The following MTRFR variants were observed in gnomAD, a reference collection of about 807,000 sequenced individuals.
The protein encoded by MTRFR is mitochondrial translation release factor in rescue.
MTRFR carries 10 observed loss-of-function variants against 11.9 expected under a neutral mutation model. That is an observed-to-expected ratio of 0.84 (90% CI 0.52 to 1.42). The LOEUF is 1.42. MTRFR is among the 40% of genes most tolerant of loss of function. The pLI, the probability that MTRFR is intolerant of heterozygous loss-of-function variation, is 0.00. For missense variants in MTRFR, 196 were observed against 197.9 expected (o/e 0.99, Z 0.06); for synonymous variants, 77 against 79.1 (o/e 0.97, Z 0.14).
At chr12:123,239,164 G>A (rs1005361583) in intron 1 of MTRFR, among the ~76,000 whole-genome samples, 1 of 152,110 alleles carries the variant, frequency 6.6e-6, no homozygotes, top group Non-Finnish European at 1.5e-5. Context: ...AACTACTCAG[G>A]AGGCTGCGGT....
intron 2 of MTRFR, among the ~76,000 whole-genome samples, chr12:123,256,013 C>T (rs1214261752): frequency 1.3e-5 from 2 of 152,126 alleles, no homozygotes; most frequent in African/African-American, 4.8e-5. Context: ...GTGATCCTCC[C>T]GTTTCAGCCC....
intron 1 of MTRFR, chr12:123,249,080 G>A (rs1019568521): frequency 6.6e-6 from 1 of 151,860 alleles, no homozygotes; most frequent in Non-Finnish European, 1.5e-5. Flanking sequence ...CACTAGATTA[G>A]CTAGACATAG....
At chr12:123,234,379 T>C (rs569480048) in intron 1 of MTRFR, among the ~76,000 whole-genome samples, 2 of 150,304 alleles carry the variant, frequency 1.3e-5, no homozygotes, top group East Asian at 4.0e-4. Flanking sequence ...AATTTTTTTT[T>C]ACTTTTTTTA....
chr12:123,247,284 A>C (rs1232503420), intron 1 of MTRFR, among the ~76,000 whole-genome samples: 1 of 152,068 alleles, frequency 6.6e-6, no homozygotes, highest in Non-Finnish European at 1.5e-5. Context: ...GCTGCTGTCT[A>C]TCTCATTTCT....
intron 1 of MTRFR, among the ~76,000 whole-genome samples, chr12:123,241,776 C>A (rs2047942339): frequency 6.6e-6 from 1 of 152,214 alleles, no homozygotes; most frequent in Non-Finnish European, 1.5e-5. Flanking sequence ...CGGCCACAGG[C>A]CTTGTTGCAG....
chr12:123,244,386 C>T (rs1194825976), intron 1 of MTRFR, among the ~76,000 whole-genome samples: 1 of 152,080 alleles, frequency 6.6e-6, no homozygotes, highest in Non-Finnish European at 1.5e-5. Context: ...GAGCCAAGAT[C>T]GCGCCATCGC....
At chr12:123,241,053 G>A (rs943098753) in intron 1 of MTRFR, among the ~76,000 whole-genome samples, 10 of 150,868 alleles carry the variant, frequency 6.6e-5, no homozygotes, top group African/African-American at 2.4e-4. Context: ...CGAAATGAAA[G>A]GCATTACCAT....
At chr12:123,254,130 C>A in intron 2 of MTRFR, 174 bp downstream of exon 2, 1 of 738,648 alleles carries the variant, frequency 1.4e-6, no homozygotes, top group Non-Finnish European at 2.2e-6. Flanking sequence ...ATCCCTGAGC[C>A]ATTCCTCCCT....
chr12:123,246,683 C>CT (rs1471040693), intron 1 of MTRFR, among the ~76,000 whole-genome samples: 1 of 115,728 alleles, frequency 8.6e-6, no homozygotes, highest in African/African-American at 4.0e-5. Context: ...CCACTGTGGT[C>CT]TGAGAGAGTG....
chr12:123,243,142 GT>G (rs1257688018), intron 1 of MTRFR, among the ~76,000 whole-genome samples: 1 of 152,118 alleles, frequency 6.6e-6, no homozygotes, highest in Non-Finnish European at 1.5e-5. Context: ...AACAAAACCA[GT>G]TTTTAAAGCA....
At chr12:123,242,670 G>C (rs1237793659) in intron 1 of MTRFR, among the ~76,000 whole-genome samples, 1 of 152,206 alleles carries the variant, frequency 6.6e-6, no homozygotes, top group African/African-American at 2.4e-5. Context: ...CTGGGTGGGA[G>C]ACCTTCCAGT....
chr12:123,241,448 C>T (rs1447991312), intron 1 of MTRFR, among the ~76,000 whole-genome samples: 1 of 152,188 alleles, frequency 6.6e-6, no homozygotes, highest in Non-Finnish European at 1.5e-5. Context: ...AGCAATTCTC[C>T]TGCCTCAGTC....
At position 123,257,499 on chromosome 12, in the gene MTRFR, C is replaced by T. The variant is rs886049043; in HGVS notation, c.*468C>T. The stretch of plus-strand genomic sequence containing the variant: ...CCACTGCACTCAAGCCTGGGCAACA[C>T]CTGGGTGACAGAGCGAGACCCCATC... On this transcript the variant is annotated 3_prime_UTR_variant, in exon 3 of 3. Transcript: ENST00000253233. 5.9e-6 allele frequency: 1 copy of T among 168,248 alleles called. No individual in the cohort carries two copies. The highest frequency in any genetic ancestry group is 1.3e-5 in the Non-Finnish European group (1 of 78,068). The allele number at this position is 168,248 out of a possible 1,614,324, so 10.4% of individuals were successfully genotyped here.
intron 1 of MTRFR, among the ~76,000 whole-genome samples, chr12:123,235,629 C>T (rs1335375570): frequency 1.3e-5 from 2 of 151,478 alleles, no homozygotes; most frequent in Non-Finnish European, 2.9e-5. Flanking sequence ...GCCTCGGCCT[C>T]CCACGGTGCT....
At chr12:123,253,434 T>G in intron 1 of MTRFR, 1 of 538,400 alleles carries the variant, frequency 1.9e-6, no homozygotes, top group South Asian at 2.0e-5. Flanking sequence ...ATGTATTAGC[T>G]GGCAGGGCAT....
chr12:123,256,738 A>T (rs1229847872), intron 2 of MTRFR, 75 bp from the exon 3 acceptor site: 8 of 1,157,588 alleles, frequency 6.9e-6, no homozygotes, highest in Non-Finnish European at 1.0e-5. Context: ...AACAGGTTGA[A>T]TTTAATGACT....
chr12:123,237,161 A>G (rs1237512116), intron 1 of MTRFR, among the ~76,000 whole-genome samples: 1 of 152,092 alleles, frequency 6.6e-6, no homozygotes, highest in African/African-American at 2.4e-5. Flanking sequence ...TTCTGCTTAA[A>G]AAAAAATAAA....
chr12:123,245,578 C>T (rs2048027747), intron 1 of MTRFR, among the ~76,000 whole-genome samples: 1 of 152,070 alleles, frequency 6.6e-6, no homozygotes, highest in Non-Finnish European at 1.5e-5. Context: ...TTGTAGTTTT[C>T]CTTGTAGAGG....
At chr12:123,239,868 G>A (rs2047904065) in intron 1 of MTRFR, among the ~76,000 whole-genome samples, 1 of 151,972 alleles carries the variant, frequency 6.6e-6, no homozygotes, top group Admixed American at 6.6e-5. Context: ...CTTTTCTTGG[G>A]ACGATTTCCT....
Sources: gnomAD v4.1 joint callset for allele counts (sites outside exome capture counted in the v4.1 genomes callset) on GRCh38, gnomAD v4.1.1 for gene constraint, MANE v1.5 for transcripts, NCBI Gene and HGNC (gene_info 2026-07-23, HGNC 2026-07-21) for gene names.